AGAP1: variants seen among roughly 807,000 people sequenced by gnomAD.
AGAP1 encodes arf-GAP with GTPase, ANK repeat and PH domain-containing protein 1.
Under a neutral mutation model 105.3 loss-of-function variants are expected in AGAP1, and 29 were observed. The observed-to-expected ratio is 0.28, with a 90% CI of 0.21 to 0.38. The LOEUF (loss-of-function observed/expected upper bound fraction) is 0.38. Among genes scored for constraint, AGAP1 ranks in the 10% least tolerant of loss-of-function variants. AGAP1 has a pLI of 1.00. For synonymous variants in AGAP1, 509 were observed against 485.9 expected (o/e 1.05, Z -0.63); for missense variants, 998 against 1,165.1 (o/e 0.86, Z 2.09).
At chr2:235,861,758 CAG>C (rs1251069778) in intron 9 of AGAP1, among the ~76,000 whole-genome samples, 1 of 152,186 alleles carries the variant, frequency 6.6e-6, no homozygotes, top group Non-Finnish European at 1.5e-5. Context: ...TCCTGCTTAT[CAG>C]GGGATTGATT....
intron 1 of AGAP1, among the ~76,000 whole-genome samples, chr2:235,695,465 C>T (rs112590909): frequency 5.5e-4 from 84 of 152,304 alleles, no homozygotes; most frequent in African/African-American, 1.8e-3. Context: ...GTTTATATGT[C>T]GTCTCTGTCA....
intron 9 of AGAP1, among the ~76,000 whole-genome samples, chr2:235,836,985 G>T (rs1960242581): frequency 6.6e-6 from 1 of 152,032 alleles, no homozygotes; most frequent in Non-Finnish European, 1.5e-5. Flanking sequence ...TGGGTTGGGG[G>T]GGTTGTGGGA....
At chr2:235,806,588 G>T (rs1957846924) in intron 8 of AGAP1, among the ~76,000 whole-genome samples, 1 of 152,186 alleles carries the variant, frequency 6.6e-6, no homozygotes, top group Admixed American at 6.5e-5. Context: ...TCAGGACCTT[G>T]TCAAATAAAG....
chr2:236,112,738 C>T (rs974436593), intron 16 of AGAP1, among the ~76,000 whole-genome samples: 7 of 152,244 alleles, frequency 4.6e-5, no homozygotes, highest in Admixed American at 3.3e-4. Flanking sequence ...CTCTCCCGCT[C>T]TCTCAGTCTG....
chr2:236,049,588 A>G (rs1005856753), intron 16 of AGAP1: 23 of 218,148 alleles, frequency 1.1e-4, no homozygotes, highest in Non-Finnish European at 1.9e-4. Flanking sequence ...AATAGGCATA[A>G]GCTGTGCCGT....
In AGAP1 at chr2:235,642,635, C is replaced by CACCAGCTT. The variant is rs1490727476; in HGVS notation, c.164-66543_164-66536dup. Among the ~76,000 whole-genome samples the CACCAGCTT allele has an allele frequency of 6.6e-6, 1 of 152,216 alleles. No individual in the cohort carries two copies. Among genetic ancestry groups the CACCAGCTT allele is most frequent in the Non-Finnish European group, 1.5e-5 (1 of 68,044 alleles). On this transcript the variant is annotated intron_variant, in intron 1 of 17. Transcript: ENST00000304032. This position sits in a 1 kb window ranked among gnomAD's most constrained non-coding sequence, Gnocchi z 4.1. ...AAGGCAGGCCAGCCTCCGCTCTCCACACCAGCTTGGGGATGAATCAGCGGG... is the reference window on the plus strand; with the variant it reads ...AAGGCAGGCCAGCCTCCGCTCTCCACACCAGCTTACCAGCTTGGGGATGAATCAGCGGG...
chr2:235,843,193 C>T lies in AGAP1; in HGVS notation c.1050+35862C>T, dbSNP rs1961064274. On this transcript the variant is annotated intron_variant, in intron 9 of 17. Coordinates refer to ENST00000304032, the MANE Select transcript of AGAP1 (RefSeq NM_001037131.3). The surrounding 1 kb of genome is among the most constrained non-coding windows in gnomAD (Gnocchi z 5.9). The stretch of plus-strand genomic sequence containing the variant: ...TGCAGGCTCCCTGTACCCCCAGCTC[C>T]CAGAACCCATCACCAGCCCTCCTTC... Among the ~76,000 whole-genome samples the T allele has an allele frequency of 6.7e-6, 1 of 148,394 alleles. No individual in the cohort carries two copies. Among genetic ancestry groups the T allele is most frequent in the Non-Finnish European group, 1.5e-5 (1 of 66,898 alleles).
intron 9 of AGAP1, among the ~76,000 whole-genome samples, chr2:235,847,752 A>G (rs4663620): frequency 0.58 from 88,956 of 152,072 alleles, 26,324 homozygotes; most frequent in East Asian, 0.82. Context: ...CACGACGCCT[A>G]ACGTGTATCT....
At chr2:235,797,732 A>T (rs368387267) in intron 6 of AGAP1, 27 bp from the exon 7 acceptor site, 105 of 1,613,698 alleles carry the variant, frequency 6.5e-5, no homozygotes, top group Non-Finnish European at 7.9e-5. Context: ...ATTGACATGG[A>T]TTTCTTTTTG....
At chr2:236,068,181 G>C (rs910685019) in intron 16 of AGAP1, among the ~76,000 whole-genome samples, 2 of 152,254 alleles carry the variant, frequency 1.3e-5, no homozygotes, top group African/African-American at 4.8e-5. Flanking sequence ...TGAGGCAGGA[G>C]AATTGCTTGA....
chr2:235,730,882 A>AT (rs887950608), intron 3 of AGAP1, among the ~76,000 whole-genome samples: 19 of 151,716 alleles, frequency 1.3e-4, no homozygotes, highest in Non-Finnish European at 1.5e-4. Flanking sequence ...TTATGTGACT[A>AT]TTTTTTTCTT....
intron 1 of AGAP1, among the ~76,000 whole-genome samples, chr2:235,676,820 A>T (rs1948762803): frequency 6.6e-6 from 1 of 152,234 alleles, no homozygotes; most frequent in Non-Finnish European, 1.5e-5. Context: ...AAATAATGAA[A>T]AAAAGTTATA....
chr2:235,772,431 G>A (rs1339778116), intron 6 of AGAP1, among the ~76,000 whole-genome samples: 6 of 152,138 alleles, frequency 3.9e-5, no homozygotes, highest in South Asian at 2.1e-4. Context: ...ACCAGCAGGC[G>A]CATGTATTCC....
In AGAP1 at chr2:235,988,864, A is replaced by G. The variant is rs938655260; in HGVS notation, c.1645+20241A>G. On this transcript the variant is annotated intron_variant, in intron 13 of 17. Coordinates refer to ENST00000304032, the MANE Select transcript of AGAP1 (RefSeq NM_001037131.3). The surrounding 1 kb of genome is among the most constrained non-coding windows in gnomAD (Gnocchi z 4.7). ...CGCCTCCTTGACTCTCATCACTCAC[A>G]TGGTCCCCCAGCAGGTAACTTGCTT... is the stretch of plus-strand genomic sequence containing the variant. Among the ~76,000 whole-genome samples the G allele has an allele frequency of 6.6e-6, 1 of 152,106 alleles. No individual in the cohort carries two copies. The highest frequency in any genetic ancestry group is 1.9e-4 in the East Asian group (1 of 5,150).
rs77944604 is a variant in AGAP1, at chr2:236,045,342, T to C, written c.1892-3717T>C. Among the ~76,000 whole-genome samples the C allele has an allele frequency of 0.025, 3,877 of 152,298 alleles. 156 individuals are homozygous for C. The highest frequency in any genetic ancestry group is 0.088 in the African/African-American group (3,640 of 41,556). Reference sequence around the variant, plus strand: ...CCAGAAGCCAGTGTGTTAATATTGGTTGAATACGTGAAGGAACAGATGTAA... The same window carrying C: ...CCAGAAGCCAGTGTGTTAATATTGGCTGAATACGTGAAGGAACAGATGTAA... On this transcript the variant is annotated intron_variant, in intron 15 of 17. Coordinates refer to ENST00000304032, the MANE Select transcript of AGAP1 (RefSeq NM_001037131.3). This position sits in a 1 kb window ranked among gnomAD's most constrained non-coding sequence, Gnocchi z 6.9.
chr2:235,735,737 G>T (rs1235149172), intron 3 of AGAP1, among the ~76,000 whole-genome samples: 1 of 151,922 alleles, frequency 6.6e-6, no homozygotes, highest in Non-Finnish European at 1.5e-5. Context: ...TTAAGACCTC[G>T]ACTCGCTTAT....
chr2:235,679,386 TTTC>T lies in AGAP1; in HGVS notation c.164-29790_164-29788del, dbSNP rs1948939587. ...TGAGATATACATTTGCCCAGGTGGA[TTTC>T]TTATATCCCGAAGCTCCAAGTATAA... On this transcript the variant is annotated intron_variant, in intron 1 of 17. Coordinates refer to ENST00000304032, the MANE Select transcript of AGAP1 (RefSeq NM_001037131.3). Among the ~76,000 whole-genome samples, 3 of 152,202 alleles carry T rather than the reference TTTC, an allele frequency of 2.0e-5. No individual in the cohort carries two copies. In the South Asian group the frequency reaches 6.2e-4, roughly 31 times the overall value.
At chr2:235,878,770 C>G (rs1423046190) in intron 9 of AGAP1, among the ~76,000 whole-genome samples, 2 of 152,214 alleles carry the variant, frequency 1.3e-5, no homozygotes, top group Non-Finnish European at 2.9e-5. Flanking sequence ...TTGACTGAAT[C>G]AGAATGTCTT....
chr2:235,724,088 C>T lies in AGAP1; in HGVS notation c.310+6444C>T, dbSNP rs939135718. Among the ~76,000 whole-genome samples, 2 of 152,198 alleles carry T rather than the reference C, an allele frequency of 1.3e-5. No individual in the cohort carries two copies. Among genetic ancestry groups the T allele is most frequent in the Non-Finnish European group, 2.9e-5 (2 of 68,026 alleles). On this transcript the variant is annotated intron_variant, in intron 3 of 17. Transcript: ENST00000304032. This position sits in a 1 kb window ranked among gnomAD's most constrained non-coding sequence, Gnocchi z 4.9. ...GTGGGAGCGTTGGCCCTGGCATTCC[C>T]GGGTCTTCATGAGCTTAATTCAGCA...
Sources: allele counts gnomAD v4.1 joint callset (sites outside exome capture counted in the v4.1 genomes callset), GRCh38; gene constraint gnomAD v4.1.1; non-coding constraint Gnocchi (gnomAD v3.1); transcripts MANE v1.5; gene names NCBI Gene and HGNC (gene_info 2026-07-23, HGNC 2026-07-21).